Variants in FAM135B observed in about 807,000 individuals in gnomAD.
FAM135B encodes protein FAM135B.
FAM135B carries 43 observed loss-of-function variants against 127.7 expected under a neutral mutation model. The ratio of observed to expected loss-of-function variants is 0.34; its 90% CI spans 0.26 to 0.43. FAM135B has a LOEUF of 0.43. FAM135B is among the 20% of genes least tolerant of loss of function. FAM135B has a pLI of 1.00. For missense variants in FAM135B, 1,558 were observed against 1,725.6 expected (o/e 0.90, Z 1.72); for synonymous variants, 670 against 665.1 (o/e 1.01, Z -0.11).
At chr8:138,346,984 G>A (rs1018368154) in intron 2 of FAM135B, among the ~76,000 whole-genome samples, 4 of 152,162 alleles carry the variant, frequency 2.6e-5, no homozygotes, top group African/African-American at 9.7e-5. Context: ...AAGATTTTGT[G>A]TTTTCACTTC....
Position 138,368,016 on chromosome 8 carries a change from G to A in FAM135B, c.-19-14C>T, listed in dbSNP as rs749653671. On this transcript the variant is annotated splice_polypyrimidine_tract_variant and intron_variant, in intron 1 of 19. Coordinates refer to ENST00000395297, the MANE Select transcript of FAM135B (RefSeq NM_015912.4). ...TTGGCTCATTACCTGAAAAACAAGA[G>A]AGAAATTAACAGTTTGAGATCACAT... 3.2e-5 allele frequency: 50 copies of A among 1,586,838 alleles called. No homozygotes were observed. Among genetic ancestry groups the A allele is most frequent in the Non-Finnish European group, 4.3e-5 (50 of 1,155,744 alleles).
At chr8:138,192,352 C>A (rs375579825) in intron 9 of FAM135B, among the ~76,000 whole-genome samples, 8 of 152,234 alleles carry the variant, frequency 5.3e-5, no homozygotes, top group Non-Finnish European at 1.2e-4. Flanking sequence ...AAGATAGCAG[C>A]GCTTTCCCAA....
intron 2 of FAM135B, among the ~76,000 whole-genome samples, chr8:138,315,975 T>C (rs1827056977): frequency 6.6e-6 from 1 of 152,136 alleles, no homozygotes; most frequent in African/African-American, 2.4e-5. Flanking sequence ...TTAATAATAT[T>C]GTATTATATA....
chr8:138,460,542 C>A (rs1306480852), intron 1 of FAM135B, among the ~76,000 whole-genome samples: 5 of 152,176 alleles, frequency 3.3e-5, no homozygotes, highest in Non-Finnish European at 7.3e-5. Flanking sequence ...TATTCTCAGG[C>A]CTCCCCATGC....
At chr8:138,438,282 G>C (rs567405694) in intron 1 of FAM135B, 2 of 152,114 alleles carry the variant, frequency 1.3e-5, no homozygotes, top group African/African-American at 2.4e-5. Flanking sequence ...AAGGTGCCGG[G>C]TGGCTATTGA....
intron 12 of FAM135B, 151 bp from the exon 13 acceptor site, chr8:138,153,367 G>A: frequency 1.7e-6 from 1 of 603,944 alleles, no homozygotes; most frequent in Non-Finnish European, 2.8e-6. Flanking sequence ...ACAGCTCCCA[G>A]TGTGAGCGAT....
chr8:138,387,856 A>G (rs552604717), intron 1 of FAM135B, among the ~76,000 whole-genome samples: 24 of 152,136 alleles, frequency 1.6e-4, no homozygotes, highest in Non-Finnish European at 3.2e-4. Context: ...TGCCTCCTCC[A>G]TCCTCTACCC....
At chr8:138,446,789 G>C (rs1034455577) in intron 1 of FAM135B, among the ~76,000 whole-genome samples, 1 of 151,702 alleles carries the variant, frequency 6.6e-6, no homozygotes, top group African/African-American at 2.4e-5. Context: ...GGCAACAAAA[G>C]CCAAAATTGA....
chr8:138,142,758 AT>A (rs1817317428), intron 16 of FAM135B: 1 of 371,452 alleles, frequency 2.7e-6, no homozygotes, highest in Non-Finnish European at 4.9e-6. Context: ...AAACCTAGGA[AT>A]TTTTGTTTTA....
intron 2 of FAM135B, among the ~76,000 whole-genome samples, chr8:138,364,357 G>A (rs1830614497): frequency 6.6e-6 from 1 of 152,026 alleles, no homozygotes; most frequent in Non-Finnish European, 1.5e-5. Context: ...CAAGTGCAAG[G>A]TTTTGTTGCT....
chr8:138,454,249 A>C (rs1326994907), intron 1 of FAM135B, among the ~76,000 whole-genome samples: 3 of 152,174 alleles, frequency 2.0e-5, no homozygotes, highest in Non-Finnish European at 4.4e-5. Context: ...TTCAAAGGCC[A>C]ATTCTCCCGG....
At chr8:138,187,516 C>T (rs1815690848) in intron 9 of FAM135B, among the ~76,000 whole-genome samples, 1 of 152,184 alleles carries the variant, frequency 6.6e-6, no homozygotes, top group African/African-American at 2.4e-5. Flanking sequence ...TCTAAGCCCC[C>T]ATCTTTCTGT....
At chr8:138,135,829 A>G (rs1816612847) in intron 19 of FAM135B, among the ~76,000 whole-genome samples, 2 of 152,178 alleles carry the variant, frequency 1.3e-5, no homozygotes, top group African/African-American at 2.4e-5. Context: ...ATAGTCTATA[A>G]TTATTAAAAT....
chr8:138,149,800 C>T lies in FAM135B; in HGVS notation c.3282-1114G>A, dbSNP rs142428227. ...GGTGCTTCTCCTTTTGGCTCCACCACGCGCACATGAAACATCATATTTACC... is the reference window on the plus strand; with the variant it reads ...GGTGCTTCTCCTTTTGGCTCCACCATGCGCACATGAAACATCATATTTACC... On this transcript the variant is annotated intron_variant, in intron 13 of 19. Transcript: ENST00000395297. 3.8e-3 allele frequency among the ~76,000 whole-genome samples: 580 copies of T among 152,216 alleles called. 16 individuals carry two copies. Among genetic ancestry groups the T allele is most frequent in the Admixed American group, 0.031 (476 of 15,278 alleles).
chr8:138,172,439 T>A (rs889014929), intron 11 of FAM135B, among the ~76,000 whole-genome samples: 2 of 152,196 alleles, frequency 1.3e-5, no homozygotes, highest in African/African-American at 4.8e-5. Context: ...CCCTCAGACC[T>A]CAGTGAGTAT....
intron 7 of FAM135B, among the ~76,000 whole-genome samples, chr8:138,198,662 G>C (rs1038797099): frequency 5.3e-5 from 8 of 152,214 alleles, no homozygotes; most frequent in African/African-American, 1.7e-4. Flanking sequence ...TGTAGAAATA[G>C]AATGGATTAA....
chr8:138,369,634 C>T (rs1830988968), intron 1 of FAM135B, among the ~76,000 whole-genome samples: 1 of 152,186 alleles, frequency 6.6e-6, no homozygotes, highest in Non-Finnish European at 1.5e-5. Context: ...AATGAAGAGC[C>T]ATGGAGGTGC....
intron 1 of FAM135B, among the ~76,000 whole-genome samples, chr8:138,377,486 T>C (rs78364948): frequency 0.043 from 6,601 of 152,222 alleles, 407 homozygotes; most frequent in African/African-American, 0.14. Flanking sequence ...CTGTCCATGG[T>C]AGAAGGACTG....
chr8:138,203,446 T>C (rs967367401), intron 7 of FAM135B, among the ~76,000 whole-genome samples: 3 of 152,208 alleles, frequency 2.0e-5, no homozygotes, highest in Admixed American at 6.5e-5. Flanking sequence ...TCAAATTCTC[T>C]TATCTCTGCC....
Sources: allele counts gnomAD v4.1 joint callset (sites outside exome capture counted in the v4.1 genomes callset), GRCh38; gene constraint gnomAD v4.1.1; transcripts MANE v1.5; gene names NCBI Gene and HGNC (gene_info 2026-07-23, HGNC 2026-07-21).